Variants in METTL15 observed in about 807,000 individuals in gnomAD.
The protein encoded by METTL15 is methyltransferase 15, mitochondrial 12S rRNA N4-cytidine, also known as 12S rRNA N(4)-cytidine methyltransferase METTL15.
A neutral mutation model predicts 38.3 loss-of-function variants in METTL15; 34 were observed. The observed-to-expected ratio is 0.89, with a 90% CI of 0.68 to 1.18. METTL15 has a LOEUF of 1.18. Among genes scored for constraint, METTL15 ranks in the 50% most tolerant of loss-of-function variants. METTL15 has a pLI of 0.00. For missense variants in METTL15, 438 were observed against 498.4 expected (o/e 0.88, Z 1.15); for synonymous variants, 162 against 170.9 (o/e 0.95, Z 0.41).
chr11:28,481,344 G>A (rs966130883), intron 6 of METTL15, among the ~76,000 whole-genome samples: 6 of 152,160 alleles, frequency 3.9e-5, no homozygotes, highest in African/African-American at 9.7e-5. Flanking sequence ...GTTTTAAGCC[G>A]CTGAATACAG....
chr11:28,398,307 T>C (rs1850594866), intron 5 of METTL15, among the ~76,000 whole-genome samples: 1 of 152,038 alleles, frequency 6.6e-6, no homozygotes, highest in Non-Finnish European at 1.5e-5. Context: ...CCATAAAAAG[T>C]TCCTATTTCT....
At chr11:28,266,946 G>A (rs1274192313) in intron 4 of METTL15, among the ~76,000 whole-genome samples, 1 of 152,020 alleles carries the variant, frequency 6.6e-6, no homozygotes, top group Non-Finnish European at 1.5e-5. Context: ...GATCACTTGA[G>A]GTCAAGAGTT....
chr11:28,412,917 A>C (rs369218109), intron 5 of METTL15, among the ~76,000 whole-genome samples: 1 of 151,978 alleles, frequency 6.6e-6, no homozygotes, highest in African/African-American at 2.4e-5. Flanking sequence ...TACAATAGTA[A>C]CTATGTGAAA....
chr11:28,338,971 T>C (rs182824527), intron 3 of METTL15, among the ~76,000 whole-genome samples: 5 of 152,208 alleles, frequency 3.3e-5, no homozygotes, highest in African/African-American at 1.2e-4. Context: ...TAGCTGCCAA[T>C]TGTGAGTTTC....
intron 4 of METTL15, among the ~76,000 whole-genome samples, chr11:28,239,268 C>T (rs907252059): frequency 2.6e-5 from 4 of 152,188 alleles, no homozygotes; most frequent in African/African-American, 9.6e-5. Flanking sequence ...ATGCTTTGCC[C>T]TGATTCCAGC....
intron 3 of METTL15, among the ~76,000 whole-genome samples, chr11:28,184,055 A>G (rs770310921): frequency 6.6e-6 from 1 of 151,188 alleles, no homozygotes; most frequent in Non-Finnish European, 1.5e-5. Context: ...AGGGGTATTT[A>G]TGGTATTCTC....
intron 3 of METTL15, among the ~76,000 whole-genome samples, chr11:28,165,715 A>T (rs1026746921): frequency 2.1e-5 from 1 of 47,652 alleles, no homozygotes; most frequent in Non-Finnish European, 6.8e-5. Flanking sequence ...GGGTTGTATA[A>T]AAAAAAAATT....
At chr11:28,493,746 C>T (rs1851515328) in intron 6 of METTL15, among the ~76,000 whole-genome samples, 1 of 152,204 alleles carries the variant, frequency 6.6e-6, no homozygotes, top group Admixed American at 6.5e-5. Flanking sequence ...GTTGATATTA[C>T]TCCAGACTTC....
intron 4 of METTL15, among the ~76,000 whole-genome samples, chr11:28,286,326 A>G (rs148277553): frequency 8.7e-4 from 133 of 152,300 alleles, no homozygotes; most frequent in African/African-American, 3.0e-3. Context: ...AAATACCTTC[A>G]TAGCAACACA....
At chr11:28,376,185 G>A (rs548510216) in intron 5 of METTL15, among the ~76,000 whole-genome samples, 69 of 151,912 alleles carry the variant, frequency 4.5e-4, no homozygotes, top group African/African-American at 1.4e-3. Flanking sequence ...TATTAGGTCC[G>A]CTTGGTGCAG....
intron 4 of METTL15, among the ~76,000 whole-genome samples, chr11:28,285,840 A>C (rs921507330): frequency 6.7e-4 from 102 of 152,220 alleles, no homozygotes; most frequent in African/African-American, 2.3e-3. Context: ...AAAAAAGAAG[A>C]ATCTTCTTTC....
chr11:28,111,160 A>G (rs1438767764), intron 2 of METTL15, among the ~76,000 whole-genome samples: 2 of 152,212 alleles, frequency 1.3e-5, no homozygotes, highest in Non-Finnish European at 2.9e-5. Context: ...TTGGCAGGCA[A>G]TTAGTTCATA....
intron 4 of METTL15, among the ~76,000 whole-genome samples, chr11:28,231,488 T>TA (rs1040637991): frequency 2.0e-5 from 3 of 151,882 alleles, no homozygotes; most frequent in African/African-American, 7.2e-5. Flanking sequence ...GTAAAATTCT[T>TA]ACAGTTTTCA....
At chr11:28,224,609 T>A (rs1217303367) in intron 4 of METTL15, among the ~76,000 whole-genome samples, 2 of 151,856 alleles carry the variant, frequency 1.3e-5, no homozygotes, top group Admixed American at 1.3e-4. Context: ...ATCAGCACAT[T>A]CCTCTTTCAT....
At chr11:28,488,329 G>A (rs764283686) in intron 6 of METTL15, among the ~76,000 whole-genome samples, 13 of 152,084 alleles carry the variant, frequency 8.5e-5, no homozygotes, top group South Asian at 4.2e-4. Flanking sequence ...CTAAAATCCT[G>A]TTGCTGTTTT....
intron 1 of METTL15, 59 bp from the exon 2 acceptor site, chr11:28,110,100 TAAAAATG>T (rs2133580957): frequency 6.6e-6 from 1 of 152,242 alleles, no homozygotes; most frequent in African/African-American, 2.4e-5. Flanking sequence ...GACCAAAAAA[TAAAAATG>T]GAAAAAGTAA....
At chr11:28,120,879 CTTTTT>C (rs1183590380) in intron 3 of METTL15, among the ~76,000 whole-genome samples, 1 of 151,656 alleles carries the variant, frequency 6.6e-6, no homozygotes, top group Non-Finnish European at 1.5e-5. Context: ...CTCCTTTTTT[CTTTTT>C]TTAAATTTTA....
intron 3 of METTL15, among the ~76,000 whole-genome samples, chr11:28,170,999 C>T (rs1850837632): frequency 6.6e-6 from 1 of 152,002 alleles, no homozygotes; most frequent in Non-Finnish European, 1.5e-5. Context: ...ATGCAGAATT[C>T]CAACCATTAC....
chr11:28,391,041 G>A (rs1284189535), intron 5 of METTL15, among the ~76,000 whole-genome samples: 1 of 152,040 alleles, frequency 6.6e-6, no homozygotes, highest in East Asian at 1.9e-4. Flanking sequence ...GTCTGTTATT[G>A]GTGTATAAGA....
Sources: allele counts gnomAD v4.1 joint callset (sites outside exome capture counted in the v4.1 genomes callset), GRCh38; gene constraint gnomAD v4.1.1; transcripts MANE v1.5; gene names NCBI Gene and HGNC (gene_info 2026-07-23, HGNC 2026-07-21).